Variants in EDIL3 observed in about 807,000 individuals in gnomAD.
The protein encoded by EDIL3 is EGF like and discoidin domains 3.
Under a neutral mutation model 67.4 loss-of-function variants are expected in EDIL3, and 37 were observed. The observed-to-expected ratio is 0.55, with a 90% CI of 0.42 to 0.72. EDIL3 has a LOEUF of 0.72. EDIL3 is among the 30% of genes least tolerant of loss of function. EDIL3 has a pLI of 0.00. For synonymous variants in EDIL3, 195 were observed against 196.3 expected (o/e 0.99, Z 0.05); for missense variants, 527 against 586.3 (o/e 0.90, Z 1.04).
At chr5:84,191,743 C>A (rs1743591112) in intron 3 of EDIL3, among the ~76,000 whole-genome samples, 1 of 151,836 alleles carries the variant, frequency 6.6e-6, no homozygotes, top group South Asian at 2.1e-4. Context: ...AAAGGAACAG[C>A]AAAATTGACA....
intron 3 of EDIL3, among the ~76,000 whole-genome samples, chr5:84,203,962 AC>A (rs1442109758): frequency 6.6e-6 from 1 of 152,216 alleles, no homozygotes; most frequent in Admixed American, 6.5e-5. Context: ...TCTTGCAGAT[AC>A]TGATTCTATT....
At chr5:84,106,605 A>T (rs1364244278) in intron 6 of EDIL3, 44 bp downstream of exon 6, 2 of 1,505,448 alleles carry the variant, frequency 1.3e-6, no homozygotes, top group Non-Finnish European at 1.8e-6. Flanking sequence ...AGAATCATTT[A>T]AAAATGACTT....
intron 6 of EDIL3, among the ~76,000 whole-genome samples, chr5:84,104,957 T>C (rs1289391697): frequency 6.6e-6 from 1 of 152,024 alleles, no homozygotes; most frequent in Non-Finnish European, 1.5e-5. Flanking sequence ...CGAACATAAT[T>C]TGCCAAACAG....
intron 1 of EDIL3, among the ~76,000 whole-genome samples, chr5:84,345,509 A>C (rs1368066981): frequency 6.6e-6 from 1 of 151,996 alleles, no homozygotes; most frequent in East Asian, 1.9e-4. Flanking sequence ...CCAGATGCTG[A>C]CTTTGAGAAA....
intron 9 of EDIL3, among the ~76,000 whole-genome samples, chr5:84,023,185 T>C (rs1427125775): frequency 6.6e-6 from 1 of 152,018 alleles, no homozygotes; most frequent in Non-Finnish European, 1.5e-5. Flanking sequence ...GATTACAAAA[T>C]ACATGTATAT....
At chr5:83,998,945 C>T (rs73143992) in intron 9 of EDIL3, among the ~76,000 whole-genome samples, 8,316 of 152,126 alleles carry the variant, frequency 0.055, 474 homozygotes, top group South Asian at 0.14. Context: ...GACAGTGACT[C>T]CATTTGTTTG....
At chr5:84,238,992 C>G (rs913053894) in intron 2 of EDIL3, among the ~76,000 whole-genome samples, 2 of 152,076 alleles carry the variant, frequency 1.3e-5, no homozygotes, top group African/African-American at 2.4e-5. Flanking sequence ...CAGATCCAAT[C>G]TGCGGACCAA....
intron 2 of EDIL3, among the ~76,000 whole-genome samples, chr5:84,234,235 G>C (rs1408739869): frequency 6.6e-6 from 1 of 152,160 alleles, no homozygotes; most frequent in African/African-American, 2.4e-5. Context: ...ACCATGCTTT[G>C]ATACAATAAA....
At chr5:84,086,576 A>G (rs966090377) in intron 6 of EDIL3, among the ~76,000 whole-genome samples, 3 of 151,800 alleles carry the variant, frequency 2.0e-5, no homozygotes, top group Non-Finnish European at 4.4e-5. Context: ...TGGGAGCTGC[A>G]GACCAGAGCT....
chr5:83,962,599 AAGT>A (rs1246525636), intron 10 of EDIL3, among the ~76,000 whole-genome samples: 1 of 151,600 alleles, frequency 6.6e-6, no homozygotes, highest in Non-Finnish European at 1.5e-5. Flanking sequence ...ATAAAATTCA[AAGT>A]AGATCATAAA....
At chr5:84,275,516 T>C (rs1015894595) in intron 1 of EDIL3, among the ~76,000 whole-genome samples, 3 of 152,244 alleles carry the variant, frequency 2.0e-5, no homozygotes, top group Non-Finnish European at 2.9e-5. Flanking sequence ...ATCTCAATTA[T>C]GTATAAGTTA....
intron 3 of EDIL3, among the ~76,000 whole-genome samples, chr5:84,183,874 G>C (rs1749056804): frequency 6.6e-6 from 1 of 152,180 alleles, no homozygotes; most frequent in Non-Finnish European, 1.5e-5. Flanking sequence ...GGGAGGCAGA[G>C]GTGGGTGGAT....
At chr5:84,207,451 C>T (rs1174064700) in intron 3 of EDIL3, among the ~76,000 whole-genome samples, 2 of 152,122 alleles carry the variant, frequency 1.3e-5, no homozygotes, top group African/African-American at 4.8e-5. Flanking sequence ...GAATCAATAT[C>T]GTGAAAATGG....
At chr5:84,176,180 AAATATATATATATATAT>A (rs1389163975) in intron 4 of EDIL3, among the ~76,000 whole-genome samples, 1 of 88,376 alleles carries the variant, frequency 1.1e-5, no homozygotes, top group African/African-American at 5.1e-5. Context: ...CAGTGGTAAA[AAATATATATATATATAT>A]AATATATATA....
At chr5:84,174,107 A>T (rs1481633242) in intron 4 of EDIL3, among the ~76,000 whole-genome samples, 5 of 152,200 alleles carry the variant, frequency 3.3e-5, no homozygotes, top group Admixed American at 2.6e-4. Flanking sequence ...TGCTAGCAGG[A>T]ATGCCTACTG....
chr5:84,051,337 G>T (rs969018750), intron 9 of EDIL3, among the ~76,000 whole-genome samples: 1 of 152,164 alleles, frequency 6.6e-6, no homozygotes, highest in African/African-American at 2.4e-5. Context: ...ACCAAAGGTA[G>T]ATAAAACCAC....
chr5:84,158,181 T>C (rs1407806092), intron 4 of EDIL3, among the ~76,000 whole-genome samples: 2 of 152,062 alleles, frequency 1.3e-5, no homozygotes, highest in Admixed American at 1.3e-4. Flanking sequence ...ATCAATTATA[T>C]TGGATAGAGT....
At chr5:84,167,690 T>TCA (rs1386493248) in intron 4 of EDIL3, among the ~76,000 whole-genome samples, 2 of 152,154 alleles carry the variant, frequency 1.3e-5, no homozygotes, top group South Asian at 2.1e-4. Flanking sequence ...CATCACCAAG[T>TCA]GGGATCTGAG....
intron 9 of EDIL3, among the ~76,000 whole-genome samples, chr5:84,027,713 G>C (rs1745841342): frequency 6.6e-6 from 1 of 152,052 alleles, no homozygotes; most frequent in Admixed American, 6.6e-5. Context: ...AGGATAGACA[G>C]CAGGGAGTGG....
Sources: gnomAD v4.1 joint callset for allele counts (sites outside exome capture counted in the v4.1 genomes callset) on GRCh38, gnomAD v4.1.1 for gene constraint, MANE v1.5 for transcripts, NCBI Gene and HGNC (gene_info 2026-07-23, HGNC 2026-07-21) for gene names.